CTSE: variants seen among roughly 807,000 people sequenced by gnomAD.
CTSE encodes the protein erythrocyte membrane aspartic proteinase.
CTSE carries 43 observed loss-of-function variants against 42.8 expected under a neutral mutation model. That is an observed-to-expected ratio of 1.01 (90% CI 0.79 to 1.30). The LOEUF is 1.30. CTSE is among the 50% of genes most tolerant of loss of function. CTSE has a pLI of 0.00. For missense variants in CTSE, 532 were observed against 493.5 expected, an observed-to-expected ratio of 1.08 and a Z score of -0.74; for synonymous variants, 205 against 191.5, an observed-to-expected ratio of 1.07 and a Z score of -0.58.
At chr1:206,023,284 C>T (rs1661505994) in intron 1 of CTSE, among the ~76,000 whole-genome samples, 1 of 151,854 alleles carries the variant, frequency 6.6e-6, no homozygotes, top group Non-Finnish European at 1.5e-5. Context: ...AAATGGCTCC[C>T]CTCCTGGAGC....
chr1:206,022,980 T>C lies in CTSE; in HGVS notation c.146A>G (p.His49Arg), dbSNP rs374550378. 17 of 1,612,516 alleles carry C rather than the reference T, an allele frequency of 1.1e-5. No individual in the cohort carries two copies. The African/African-American group carries it at 1.3e-4, about 13-fold the overall frequency. ...RSQLSEFWKS[H>R]NLDMIQFTES... Reference sequence around the variant, plus strand: ...GGTGAACTGGATCATGTCCAAATTATGGGATTTCCAGAACTCAGAGAGCTG... The same window carrying C: ...GGTGAACTGGATCATGTCCAAATTACGGGATTTCCAGAACTCAGAGAGCTG... Residue 49 changes from histidine (H) to arginine (R), a missense_variant, in exon 2 of 9, where the codon CAT becomes CGT. Coordinates refer to ENST00000358184, the MANE Select transcript of CTSE (RefSeq NM_001910.4).
At chr1:206,016,276 T>G in intron 4 of CTSE, 146 bp from the exon 5 acceptor site, 1 of 711,370 alleles carries the variant, frequency 1.4e-6, no homozygotes, top group Non-Finnish European at 2.4e-6. Context: ...AGATGCTTGC[T>G]ATATTCCCAA....
intron 2 of CTSE, 60 bp downstream of exon 2, chr1:206,022,841 T>TC: frequency 6.8e-7 from 1 of 1,473,554 alleles, no homozygotes; most frequent in South Asian, 1.3e-5. Context: ...GGCCATGCCC[T>TC]AATGCTGGGC....
intron 8 of CTSE, among the ~76,000 whole-genome samples, chr1:206,011,323 CAGCGCCTGG>C (rs1408119837): frequency 6.6e-6 from 1 of 151,946 alleles, no homozygotes; most frequent in Non-Finnish European, 1.5e-5. Context: ...TTGGGCTCTC[CAGCGCCTGG>C]AGCACATCAG....
At chr1:206,012,682 C>T (rs527550608) in intron 6 of CTSE, 33 bp from the exon 7 acceptor site, 1 of 1,604,112 alleles carries the variant, frequency 6.2e-7, no homozygotes, top group East Asian at 2.2e-5. Flanking sequence ...GGCCCACCTT[C>T]CCTCCCCCGG....
At chr1:206,019,938 T>G (rs1553278141) in intron 4 of CTSE, among the ~76,000 whole-genome samples, 1 of 143,400 alleles carries the variant, frequency 7.0e-6, no homozygotes, top group Non-Finnish European at 1.5e-5. Context: ...TACTATATTA[T>G]TAATATAATA....
At chr1:206,015,787 G>A (rs1394892225) in intron 5 of CTSE, 144 bp downstream of exon 5, 1 of 680,518 alleles carries the variant, frequency 1.5e-6, no homozygotes, top group Non-Finnish European at 2.5e-6. Context: ...AATATTCAGA[G>A]AGGTTAAATG....
intron 8 of CTSE, 56 bp from the exon 9 acceptor site, chr1:206,010,403 T>G: frequency 2.0e-6 from 3 of 1,487,426 alleles, no homozygotes; most frequent in Non-Finnish European, 2.8e-6. Context: ...GTAGTAGTAC[T>G]GCCTGGAGGC....
intron 4 of CTSE, among the ~76,000 whole-genome samples, chr1:206,018,023 G>T: frequency 6.6e-6 from 1 of 152,080 alleles, no homozygotes; most frequent in South Asian, 2.1e-4. Flanking sequence ...GAGTGTCCTT[G>T]TCTCATTCTT....
chr1:206,010,209 C>T lies in CTSE; in HGVS notation c.1165G>A (p.Val389Met). 2 of 1,613,792 alleles carry T rather than the reference C, an allele frequency of 1.2e-6. No individual in the cohort carries two copies. Among genetic ancestry groups the T allele is most frequent in the Non-Finnish European group, 1.7e-6 (2 of 1,179,832 alleles). ...YSVFDRGNNR[V>M]GLAPAVP ...TAGGGGACTGCTGGGGCCAGTCCCA[C>T]ACGGTTATTCCCACGGTCAAAGACT... The change falls in exon 9 of 9, where the codon GTG becomes ATG. Residue 389 changes from valine (V) to methionine (M), a missense_variant. Val to Met is a conservative substitution (Grantham distance 21). Transcript: ENST00000358184.
chr1:206,012,451 C>T, intron 7 of CTSE, 45 bp from the exon 8 acceptor site: 1 of 1,613,750 alleles, frequency 6.2e-7, no homozygotes. Flanking sequence ...TGCCACCTCC[C>T]AAGAGAAGGC....
chr1:206,012,865 C>T (rs1558150624), intron 6 of CTSE, among the ~76,000 whole-genome samples: 1 of 152,028 alleles, frequency 6.6e-6, no homozygotes, highest in Non-Finnish European at 1.5e-5. Context: ...TTGAAGTGCA[C>T]TCTGGTATTT....
intron 4 of CTSE, 64 bp from the exon 5 acceptor site, chr1:206,016,194 G>C: frequency 6.7e-7 from 1 of 1,484,040 alleles, no homozygotes. Flanking sequence ...CAAAGGGTTT[G>C]ACTCCTGGAT....
At chr1:206,018,785 T>A (rs1013048733) in intron 4 of CTSE, among the ~76,000 whole-genome samples, 5 of 151,990 alleles carry the variant, frequency 3.3e-5, no homozygotes, top group Non-Finnish European at 1.5e-5. Context: ...TATTTAGTCA[T>A]GTGAGAGGCT....
chr1:206,010,342 G>C lies in CTSE; in HGVS notation c.1032C>G (p.Phe344Leu), dbSNP rs782007406. ...TGCTGCAGAACTGCATTCCATCCAC[G>C]AAGTCCTGTGGGTTGGAAAGAAGGA... ...LSPTAYTLLD[F>L]VDGMQFCSSG... The change falls in exon 9 of 9, where the codon TTC becomes TTG. Residue 344 changes from phenylalanine (F) to leucine (L), a missense_variant. Transcript: ENST00000358184. 1.9e-5 allele frequency: 30 copies of C among 1,612,784 alleles called. No homozygotes were observed. The highest frequency in any genetic ancestry group is 2.3e-5 in the Non-Finnish European group (27 of 1,179,008).
At position 206,013,813 on chromosome 1, in the gene CTSE, G is replaced by A; in HGVS notation, c.744C>T (p.Val248=). The change falls in exon 6 of 9, where the codon GTC becomes GTT. Residue 248 remains valine (V), a synonymous_variant. Transcript: ENST00000358184. Reference sequence around the variant, plus strand: ...GCCAGTAAGCTTGCTTGGTGACTGGGACCCAATTCAGGCTCCCAGAGAAAT... The same window carrying A: ...GCCAGTAAGCTTGCTTGGTGACTGGAACCCAATTCAGGCTCCCAGAGAAAT... ...HSHFSGSLNW[V]PVTKQAYWQI... The A allele has an allele frequency of 6.2e-7, 1 of 1,613,766 alleles. No individual in the cohort carries two copies. The highest frequency in any genetic ancestry group is 8.5e-7 in the Non-Finnish European group (1 of 1,179,836).
rs1661038020 is a variant in CTSE, at chr1:206,009,999, G to A, written c.*184C>T. Reference sequence around the variant, plus strand: ...GGTGGGAGTGGTGTGTATGTGTGAAGTGTGTGTGTGTGTATATGTGTGTGT... The same window carrying A: ...GGTGGGAGTGGTGTGTATGTGTGAAATGTGTGTGTGTGTATATGTGTGTGT... On this transcript the variant is annotated 3_prime_UTR_variant, in exon 9 of 9. Transcript: ENST00000358184. 2 of 527,006 alleles carry A rather than the reference G, an allele frequency of 3.8e-6. No homozygotes were observed. 32.6% of individuals were successfully genotyped at this position (527,006 alleles called of 1,614,324 possible). A position where few individuals can be genotyped will look rare whatever the true frequency, so the allele number is the denominator to read the frequency against.
At position 206,023,021 on chromosome 1, in the gene CTSE, C is replaced by A. The variant is rs782316830; in HGVS notation, c.105G>T (p.Lys35Asn). ...CAGAGAGCTGGCTCCGTGCCCGCAG[C>A]TTCTTCTTGAGGGACGGATGCCTCC... ...PLRRHPSLKKKLRARSQLSEF... is the reference protein window; with the variant it reads ...PLRRHPSLKKNLRARSQLSEF... Residue 35 changes from lysine to asparagine, a missense_variant, in exon 2 of 9, where the codon AAG (lysine) becomes AAT (asparagine). By Grantham distance (94) the Lys-to-Asn change is moderately conservative. Coordinates refer to ENST00000358184, the MANE Select transcript of CTSE (RefSeq NM_001910.4). 2 of 1,613,308 alleles carry A rather than the reference C, an allele frequency of 1.2e-6. No homozygotes were observed. Among genetic ancestry groups the A allele is most frequent in the Non-Finnish European group, 1.7e-6 (2 of 1,179,518 alleles).
intron 3 of CTSE, among the ~76,000 whole-genome samples, chr1:206,021,908 A>G (rs1661439511): frequency 6.6e-6 from 1 of 152,072 alleles, no homozygotes; most frequent in Non-Finnish European, 1.5e-5. Flanking sequence ...CTTTCTTTCT[A>G]TTAATTCTGA....
Sources: allele counts gnomAD v4.1 joint callset (sites outside exome capture counted in the v4.1 genomes callset), GRCh38; gene constraint gnomAD v4.1.1; transcripts MANE v1.5; gene names NCBI Gene and HGNC (gene_info 2026-07-23, HGNC 2026-07-21).